The following GRK5 variants were observed in gnomAD, a reference collection of about 807,000 sequenced individuals.
GRK5 encodes G protein-coupled receptor kinase 5, also known as g protein-coupled receptor kinase GRK5.
Under a neutral mutation model 78.4 loss-of-function variants are expected in GRK5, and 40 were observed. That is an observed-to-expected ratio of 0.51 (90% CI 0.40 to 0.66). The LOEUF is 0.66. GRK5 is among the 30% of genes least tolerant of loss of function. The pLI is 0.00. For missense variants in GRK5, 598 were observed against 759.9 expected (o/e 0.79, Z 2.50); for synonymous variants, 289 against 296.8 (o/e 0.97, Z 0.27).
chr10:119,209,531 T>G, intron 1 of GRK5, among the ~76,000 whole-genome samples: 1 of 147,380 alleles, frequency 6.8e-6, no homozygotes, highest in Non-Finnish European at 1.5e-5. Context: ...CTGACATTTT[T>G]AGTGGACAGG....
intron 1 of GRK5, among the ~76,000 whole-genome samples, chr10:119,229,787 G>A (rs990834080): frequency 2.0e-5 from 3 of 152,226 alleles, no homozygotes; most frequent in Non-Finnish European, 2.9e-5. Flanking sequence ...TATGAAGACA[G>A]CATTTACAGG....
chr10:119,398,080 C>CT (rs910314768), intron 4 of GRK5, among the ~76,000 whole-genome samples: 73 of 152,374 alleles, frequency 4.8e-4, no homozygotes, highest in African/African-American at 1.7e-3. Flanking sequence ...GTAGGCACAG[C>CT]TGCCCCCACC....
intron 2 of GRK5, among the ~76,000 whole-genome samples, chr10:119,371,716 G>A (rs1411070456): frequency 6.6e-6 from 1 of 152,204 alleles, no homozygotes; most frequent in Non-Finnish European, 1.5e-5. Context: ...GAGAGTCAAG[G>A]TTCCTTTTTC....
At chr10:119,286,565 T>C (rs1208483838) in intron 1 of GRK5, among the ~76,000 whole-genome samples, 1 of 152,210 alleles carries the variant, frequency 6.6e-6, no homozygotes, top group Non-Finnish European at 1.5e-5. Context: ...TCTCAGGAGT[T>C]TGGGGGCCTC....
intron 2 of GRK5, among the ~76,000 whole-genome samples, chr10:119,327,474 A>G (rs1850699161): frequency 6.6e-6 from 1 of 152,158 alleles, no homozygotes; most frequent in Non-Finnish European, 1.5e-5. Flanking sequence ...GAACACGTTT[A>G]AGAAGACTCA....
intron 1 of GRK5, among the ~76,000 whole-genome samples, chr10:119,299,347 C>A (rs73445462): frequency 1.3e-5 from 2 of 151,540 alleles, no homozygotes; most frequent in African/African-American, 4.9e-5. Context: ...GCAGGAAAAT[C>A]GCTTAAACCT....
At chr10:119,256,138 G>A (rs1340888245) in intron 1 of GRK5, among the ~76,000 whole-genome samples, 2 of 151,334 alleles carry the variant, frequency 1.3e-5, no homozygotes, top group East Asian at 3.9e-4. Context: ...TCCCAGTCTT[G>A]GCCCAGCCTC....
intron 4 of GRK5, among the ~76,000 whole-genome samples, chr10:119,402,864 AC>A (rs1436563414): frequency 6.6e-6 from 1 of 152,224 alleles, no homozygotes; most frequent in Admixed American, 6.5e-5. Flanking sequence ...AAAACAAAAA[AC>A]AAAACAAAAC....
chr10:119,393,907 CGGGTGTGTTTGTGT>C (rs1851928463), intron 3 of GRK5, among the ~76,000 whole-genome samples: 1 of 142,232 alleles, frequency 7.0e-6, no homozygotes. Flanking sequence ...TGTAGGGGTG[CGGGTGTGTTTGTGT>C]GGATGGGTAT....
intron 2 of GRK5, among the ~76,000 whole-genome samples, chr10:119,361,922 C>T (rs1378636006): frequency 1.4e-5 from 2 of 138,428 alleles, no homozygotes; most frequent in Non-Finnish European, 1.5e-5. Context: ...GGTCGCACCA[C>T]TGCACTCCAG....
intron 1 of GRK5, among the ~76,000 whole-genome samples, chr10:119,235,826 A>G (rs2133732082): frequency 6.6e-6 from 1 of 152,168 alleles, no homozygotes; most frequent in East Asian, 1.9e-4. Flanking sequence ...GGTGCTCAAT[A>G]AGTACTTTGT....
chr10:119,342,900 C>T (rs569366954), intron 2 of GRK5, among the ~76,000 whole-genome samples: 1 of 152,298 alleles, frequency 6.6e-6, no homozygotes, highest in South Asian at 2.1e-4. Flanking sequence ...AAGGCACCCC[C>T]CAACGCCCTC....
At chr10:119,297,372 A>G (rs1850100481) in intron 1 of GRK5, among the ~76,000 whole-genome samples, 1 of 152,170 alleles carries the variant, frequency 6.6e-6, no homozygotes, top group Non-Finnish European at 1.5e-5. Context: ...GTTGTATGGG[A>G]GCCCTGACAG....
chr10:119,225,928 A>C (rs1292148090), intron 1 of GRK5, among the ~76,000 whole-genome samples: 2 of 151,208 alleles, frequency 1.3e-5, no homozygotes, highest in Non-Finnish European at 2.9e-5. Flanking sequence ...GGCTCACTGC[A>C]AGCTCCGCCT....
chr10:119,279,608 G>A (rs540454504), intron 1 of GRK5, among the ~76,000 whole-genome samples: 109 of 152,346 alleles, frequency 7.2e-4, no homozygotes, highest in African/African-American at 2.5e-3. Context: ...CCTTCAAAAC[G>A]TGCCGTGGTT....
chr10:119,288,592 C>T (rs1260211927), intron 1 of GRK5, among the ~76,000 whole-genome samples: 2 of 152,254 alleles, frequency 1.3e-5, no homozygotes, highest in African/African-American at 2.4e-5. Flanking sequence ...CTGTACCTCA[C>T]TGTGTCACTG....
At chr10:119,422,336 TAAAG>T (rs1852586870) in intron 4 of GRK5, among the ~76,000 whole-genome samples, 1 of 152,206 alleles carries the variant, frequency 6.6e-6, no homozygotes, top group Admixed American at 6.5e-5. Flanking sequence ...CCTAGAAAGA[TAAAG>T]AAACAACGGT....
chr10:119,276,057 G>A (rs1849665156), intron 1 of GRK5, among the ~76,000 whole-genome samples: 3 of 152,102 alleles, frequency 2.0e-5, no homozygotes, highest in Admixed American at 2.0e-4. Flanking sequence ...CTCAGAGCTG[G>A]GATACGCTGG....
At chr10:119,443,841 G>A in intron 12 of GRK5, 89 bp downstream of exon 12, 1 of 1,142,314 alleles carries the variant, frequency 8.8e-7, no homozygotes, top group Non-Finnish European at 1.2e-6. Context: ...CAGCAAACAG[G>A]CTGAAGGGAC....
Sources: allele counts gnomAD v4.1 joint callset (sites outside exome capture counted in the v4.1 genomes callset), GRCh38; gene constraint gnomAD v4.1.1; transcripts MANE v1.5; gene names NCBI Gene and HGNC (gene_info 2026-07-23, HGNC 2026-07-21).